The following PRKG1 variants were observed in gnomAD, a reference collection of about 807,000 sequenced individuals.
The protein encoded by PRKG1 is protein kinase cGMP-dependent 1, also known as cGMP-dependent protein kinase 1.
In PRKG1, 35 loss-of-function variants were observed where a neutral mutation model predicts 88.1. The ratio of observed to expected loss-of-function variants is 0.40; its 90% CI spans 0.30 to 0.53. PRKG1 has a LOEUF of 0.53. PRKG1 is among the 20% of genes least tolerant of loss of function. PRKG1 has a pLI of 0.59. For missense variants in PRKG1, 540 were observed against 839.8 expected (o/e 0.64, Z 4.41); for synonymous variants, 303 against 292.5 (o/e 1.04, Z -0.37).
intron 1 of PRKG1, among the ~76,000 whole-genome samples, chr10:51,037,689 A>G (rs1367142096): frequency 6.6e-6 from 1 of 152,068 alleles, no homozygotes; most frequent in East Asian, 1.9e-4. Flanking sequence ...AGGCTGAGGC[A>G]GGTGAATAGC....
At chr10:50,994,942 G>A (rs955084514) in intron 1 of PRKG1, among the ~76,000 whole-genome samples, 1 of 152,096 alleles carries the variant, frequency 6.6e-6, no homozygotes, top group African/African-American at 2.4e-5. Flanking sequence ...CTAGAGATGA[G>A]TTAAAGTGTA....
intron 7 of PRKG1, chr10:52,128,562 A>G: frequency 1.0e-6 from 1 of 985,342 alleles, no homozygotes; most frequent in Non-Finnish European, 1.2e-6. Flanking sequence ...GGAAACCTAT[A>G]TTTGCAAATA....
chr10:52,070,292 G>T (rs1257475216), intron 7 of PRKG1, among the ~76,000 whole-genome samples: 1 of 144,318 alleles, frequency 6.9e-6, no homozygotes, highest in Non-Finnish European at 1.6e-5. Context: ...TGAATTTTGG[G>T]TTAGGTGTAA....
intron 2 of PRKG1, among the ~76,000 whole-genome samples, chr10:51,263,553 GAAACACTGT>G (rs1372828559): frequency 6.6e-6 from 1 of 151,986 alleles, no homozygotes; most frequent in Non-Finnish European, 1.5e-5. Context: ...TTTTATTATG[GAAACACTGT>G]AAACAAAAAC....
chr10:51,561,647 G>A (rs138441690), intron 3 of PRKG1, among the ~76,000 whole-genome samples: 6 of 152,144 alleles, frequency 3.9e-5, no homozygotes, highest in Admixed American at 3.3e-4. Context: ...AAGGGGTGGG[G>A]AGAGGAAAGT....
chr10:52,018,873 G>A (rs1449497386), intron 5 of PRKG1, among the ~76,000 whole-genome samples: 2 of 152,168 alleles, frequency 1.3e-5, no homozygotes, highest in African/African-American at 4.8e-5. Flanking sequence ...ATGTGATTAG[G>A]CCAACTGTGT....
chr10:52,040,832 C>CTTTT (rs11312625), intron 5 of PRKG1, among the ~76,000 whole-genome samples: 971 of 85,174 alleles, frequency 0.011, 14 homozygotes, highest in Non-Finnish European at 0.013. Flanking sequence ...AATGGCTTTT[C>CTTTT]TTTTTTTTTT....
At chr10:52,176,135 T>C (rs1838858469) in intron 9 of PRKG1, among the ~76,000 whole-genome samples, 1 of 151,676 alleles carries the variant, frequency 6.6e-6, no homozygotes, top group Non-Finnish European at 1.5e-5. Context: ...GGGTCTTACA[T>C]TTCGATCTTT....
At chr10:51,374,692 C>T (rs1454559379) in intron 2 of PRKG1, among the ~76,000 whole-genome samples, 2 of 152,128 alleles carry the variant, frequency 1.3e-5, no homozygotes, top group East Asian at 3.9e-4. Context: ...GACAATTGAA[C>T]CCAATGCTGC....
At chr10:52,284,859 G>A (rs1842079390) in intron 14 of PRKG1, among the ~76,000 whole-genome samples, 1 of 152,072 alleles carries the variant, frequency 6.6e-6, no homozygotes, top group Admixed American at 6.6e-5. Context: ...TGAAAAGGGG[G>A]AGAGAGGCAG....
chr10:51,486,810 T>C (rs1031526037), intron 3 of PRKG1, among the ~76,000 whole-genome samples: 2 of 152,164 alleles, frequency 1.3e-5, no homozygotes, highest in Non-Finnish European at 2.9e-5. Flanking sequence ...GATTTTACCT[T>C]CTAAATCATT....
At chr10:51,286,627 G>T (rs1277476139) in intron 2 of PRKG1, among the ~76,000 whole-genome samples, 1 of 151,950 alleles carries the variant, frequency 6.6e-6, no homozygotes, top group Non-Finnish European at 1.5e-5. Flanking sequence ...TTATTTATGA[G>T]GTAAATGATC....
chr10:51,517,272 C>T (rs1039712596), intron 3 of PRKG1, among the ~76,000 whole-genome samples: 3 of 152,152 alleles, frequency 2.0e-5, no homozygotes, highest in African/African-American at 7.2e-5. Context: ...GAGCAGTAAA[C>T]TGGGAAAAAT....
chr10:52,141,424 T>C (rs776898176), intron 8 of PRKG1, among the ~76,000 whole-genome samples: 1 of 152,132 alleles, frequency 6.6e-6, no homozygotes, highest in Non-Finnish European at 1.5e-5. Flanking sequence ...TTCAAGTCCT[T>C]ATAGCAATGA....
At chr10:51,937,809 C>A (rs1005732969) in intron 5 of PRKG1, among the ~76,000 whole-genome samples, 2 of 152,014 alleles carry the variant, frequency 1.3e-5, no homozygotes, top group Admixed American at 1.3e-4. Flanking sequence ...CACAGTTTCA[C>A]TTTCTGTGGC....
chr10:51,605,429 G>A (rs1838738880), intron 3 of PRKG1, among the ~76,000 whole-genome samples: 1 of 152,136 alleles, frequency 6.6e-6, no homozygotes, highest in Non-Finnish European at 1.5e-5. Flanking sequence ...ACCTTACATT[G>A]CAAAGGTGGT....
intron 1 of PRKG1, among the ~76,000 whole-genome samples, chr10:51,126,309 A>G (rs1207278201): frequency 8.2e-6 from 1 of 122,496 alleles, no homozygotes; most frequent in Non-Finnish European, 1.6e-5. Flanking sequence ...TTATATATTT[A>G]TAATTATTTA....
chr10:51,420,641 C>T (rs879809405), intron 2 of PRKG1, among the ~76,000 whole-genome samples: 2 of 152,190 alleles, frequency 1.3e-5, no homozygotes, highest in Admixed American at 6.5e-5. Context: ...ACTTTTCTTA[C>T]ACTAAAAACA....
chr10:51,572,237 G>A (rs949476351), intron 3 of PRKG1, among the ~76,000 whole-genome samples: 1 of 151,722 alleles, frequency 6.6e-6, no homozygotes, highest in Non-Finnish European at 1.5e-5. Context: ...AATCATGTCA[G>A]CCATACACTG....
Sources: allele counts gnomAD v4.1 joint callset (sites outside exome capture counted in the v4.1 genomes callset), GRCh38; gene constraint gnomAD v4.1.1; transcripts MANE v1.5; gene names NCBI Gene and HGNC (gene_info 2026-07-23, HGNC 2026-07-21).